NCOR2: variants seen among roughly 807,000 people sequenced by gnomAD.
The protein encoded by NCOR2 is nuclear receptor corepressor 2, also known as CTG repeat protein 26.
NCOR2 carries 81 observed loss-of-function variants against 262.9 expected under a neutral mutation model. The ratio of observed to expected loss-of-function variants is 0.31; its 90% CI spans 0.26 to 0.37. The LOEUF (loss-of-function observed/expected upper bound fraction) is 0.37. Ranked by LOEUF, NCOR2 falls within the 10% of genes least tolerant of loss-of-function variation. The pLI, the probability that NCOR2 is intolerant of heterozygous loss-of-function variation, is 1.00. For synonymous variants in NCOR2, 1,659 were observed against 1,559.3 expected (o/e 1.06, Z -1.51); for missense variants, 3,385 against 3,621.4 (o/e 0.93, Z 1.68).
In NCOR2 at chr12:124,454,650, T is replaced by G. The variant is rs2045737165; in HGVS notation, c.762+2456A>C. ...CTTCATCCAACCCTGCCATCCCTAT[T>G]TGGCAGAAAAGGAGAAACCGAGGCA... On this transcript the variant is annotated intron_variant, in intron 6 of 46. Transcript: ENST00000405201. The surrounding 1 kb of genome is among the most constrained non-coding windows in gnomAD (Gnocchi z 5.6). Among the ~76,000 whole-genome samples the G allele has an allele frequency of 1.3e-5, 2 of 152,130 alleles. No homozygotes were observed. Among genetic ancestry groups the G allele is most frequent in the Non-Finnish European group, 2.9e-5 (2 of 68,022 alleles).
intron 13 of NCOR2, among the ~76,000 whole-genome samples, chr12:124,412,115 G>A (rs985906162): frequency 6.6e-6 from 1 of 152,278 alleles, no homozygotes; most frequent in Non-Finnish European, 1.5e-5. Flanking sequence ...TGGATGCCAA[G>A]GTGGGCCAGA....
Position 124,385,654 on chromosome 12 carries a change from T to C in NCOR2, c.2019+91A>G, listed in dbSNP as rs2040753515. On this transcript the variant is annotated intron_variant, in intron 17 of 46. Transcript: ENST00000405201. ...GGCATAATAGCCCCTCCCTGGCCCA[T>C]GCCTCCTGGGGTGCAGAGACATCTC... is the stretch of plus-strand genomic sequence containing the variant. The C allele has an allele frequency of 3.3e-6, 5 of 1,531,614 alleles. No homozygotes were observed. In the Admixed American group the frequency reaches 7.5e-5, roughly 23 times the overall value. The allele number at this position is 1,531,614 out of a possible 1,614,324, so 94.9% of individuals were successfully genotyped here. A position where few individuals can be genotyped will look rare whatever the true frequency, so the allele number is the denominator to read the frequency against.
At chr12:124,418,593 G>C (rs2043036698) in intron 13 of NCOR2, among the ~76,000 whole-genome samples, 2 of 152,186 alleles carry the variant, frequency 1.3e-5, no homozygotes, top group South Asian at 4.1e-4. Flanking sequence ...CAAAACAACG[G>C]CTTTACCATT....
Position 124,503,507 on chromosome 12 carries a change from TGGATGGACAGA to T in NCOR2, c.-117-8150_-117-8140del, listed in dbSNP as rs1167416586. Among the ~76,000 whole-genome samples the T allele has an allele frequency of 1.3e-5, 2 of 149,924 alleles. No homozygotes were observed. Among genetic ancestry groups the T allele is most frequent in the African/African-American group, 2.5e-5 (1 of 40,460 alleles). On this transcript the variant is annotated intron_variant, in intron 1 of 46. Coordinates refer to the NCOR2 transcript ENST00000404621. This position sits in a 1 kb window ranked among gnomAD's most constrained non-coding sequence, Gnocchi z 4.3. ...GATGATGGATTGATGGATGGATGGATGGATGGACAGAGGATGGACAGATGAATGGATGGATG... is the reference window on the plus strand; with the variant it reads ...GATGATGGATTGATGGATGGATGGATGGATGGACAGATGAATGGATGGATG...
intron 1 of NCOR2, among the ~76,000 whole-genome samples, chr12:124,535,241 G>C (rs912714685): frequency 3.3e-5 from 5 of 152,218 alleles, no homozygotes; most frequent in African/African-American, 1.2e-4. Context: ...AAAGCAATGT[G>C]ACCAAGAACC....
chr12:124,380,477 C>T (rs1593292539), intron 17 of NCOR2, among the ~76,000 whole-genome samples: 1 of 152,204 alleles, frequency 6.6e-6, no homozygotes, highest in Non-Finnish European at 1.5e-5. Context: ...GCTCTGCAAC[C>T]CCGCACACGT....
At chr12:124,426,726 C>A (rs1229958719) in exon 11 of NCOR2, 1 of 1,610,962 alleles carries the variant, frequency 6.2e-7, no homozygotes. Context: ...TGTTGATGAA[C>A]TTGATGCGCT....
chr12:124,339,963 C>G, intron 37 of NCOR2, 43 bp downstream of exon 39: 1 of 1,604,342 alleles, frequency 6.2e-7, no homozygotes, highest in Non-Finnish European at 8.5e-7. Flanking sequence ...TACTGACCAC[C>G]CATCCACCTG....
At chr12:124,499,603 GCCAGGCGGTGAGCACAGGCCCA>G (rs2048582244), upstream of NCOR2, among the ~76,000 whole-genome samples, 1 of 152,212 alleles carries the variant, frequency 6.6e-6, no homozygotes, top group African/African-American at 2.4e-5. Context: ...GTGAGCCCCC[GCCAGGCGGTGAGCACAGGCCCA>G]GGGGTGAGCG....
chr12:124,332,440 G>A (rs757526790), exon 43 of NCOR2: 34 of 1,614,074 alleles, frequency 2.1e-5, no homozygotes, highest in Middle Eastern at 1.6e-4. Flanking sequence ...GCTGGCTGGT[G>A]TTGCCTGGAG....
Position 124,332,290 on chromosome 12 carries a change from G to A in NCOR2, c.6904+29C>T, listed in dbSNP as rs569149928. 221 of 1,612,576 alleles carry A rather than the reference G, an allele frequency of 1.4e-4. 5 individuals carry two copies. In the South Asian group the frequency reaches 2.4e-3, roughly 17 times the overall value. On this transcript the variant is annotated intron_variant, in intron 43 of 46. Coordinates refer to ENST00000405201, the Ensembl canonical transcript of NCOR2. ...GCCACCCGCCCACCTGTGGCCCCAT[G>A]CTTCCCCGGGAGCCTGCAGGCCCCT... is the stretch of plus-strand genomic sequence containing the variant.
At chr12:124,379,257 C>T (rs1244350317) in intron 17 of NCOR2, among the ~76,000 whole-genome samples, 1 of 152,162 alleles carries the variant, frequency 6.6e-6, no homozygotes, top group Non-Finnish European at 1.5e-5. Flanking sequence ...CCCCGCACCG[C>T]ACCCTGCTCC....
At chr12:124,346,815 A>T in exon 31 of NCOR2, 1 of 1,579,286 alleles carries the variant, frequency 6.3e-7, no homozygotes, top group Non-Finnish European at 8.6e-7. Context: ...CGACGCAGGT[A>T]GTCCTCCTGT....
intron 15 of NCOR2, 142 bp downstream of exon 17, chr12:124,400,359 C>T (rs1593375665): frequency 8.9e-7 from 1 of 1,121,146 alleles, no homozygotes; most frequent in South Asian, 1.4e-5. Context: ...CAGTAGGTAG[C>T]GCTGGGATTT....
chr12:124,449,909 C>T (rs774689455), intron 6 of NCOR2, 42 bp from the exon 9 acceptor site: 5 of 1,604,024 alleles, frequency 3.1e-6, no homozygotes, highest in Non-Finnish European at 3.4e-6. Context: ...CCTGGCTGGC[C>T]ACTCGCCACT....
intron 32 of NCOR2, among the ~76,000 whole-genome samples, chr12:124,343,428 C>T (rs185996721): frequency 6.6e-6 from 1 of 152,298 alleles, no homozygotes; most frequent in African/African-American, 2.4e-5. Context: ...TTCATCCATT[C>T]ACTCACTCAA....
chr12:124,385,695 C>G (rs1294943467), intron 17 of NCOR2, 50 bp downstream of exon 19: 1 of 1,601,484 alleles, frequency 6.2e-7, no homozygotes, highest in South Asian at 1.1e-5. Flanking sequence ...GCAGTCTGGG[C>G]TCCTCTCCCA....
At chr12:124,412,640 T>G (rs183828898) in intron 13 of NCOR2, among the ~76,000 whole-genome samples, 1 of 152,336 alleles carries the variant, frequency 6.6e-6, no homozygotes, top group East Asian at 1.9e-4. Context: ...ATGGGTGGTC[T>G]GGGCTGTGGG....
At chr12:124,374,948 G>A (rs577242082) in intron 18 of NCOR2, among the ~76,000 whole-genome samples, 1 of 152,310 alleles carries the variant, frequency 6.6e-6, no homozygotes, top group South Asian at 2.1e-4. Context: ...CCTCCCTTCA[G>A]GCCCCAGAGC....
Sources: gnomAD v4.1 joint callset for allele counts (sites outside exome capture counted in the v4.1 genomes callset) on GRCh38, gnomAD v4.1.1 for gene constraint, Gnocchi (gnomAD v3.1) non-coding constraint, MANE v1.5 for transcripts, NCBI Gene and HGNC (gene_info 2026-07-23, HGNC 2026-07-21) for gene names.